Variants in DPYSL5 observed in about 807,000 individuals in gnomAD.
DPYSL5 encodes dihydropyrimidinase-related protein 5.
DPYSL5 carries 9 observed loss-of-function variants against 58.4 expected under a neutral mutation model. The observed-to-expected ratio is 0.15, with a 90% CI of 0.09 to 0.27. The LOEUF (loss-of-function observed/expected upper bound fraction) is 0.27, where lower values mean the gene tolerates loss of function less well. DPYSL5 is among the 10% of genes least tolerant of loss of function. The pLI, the probability that DPYSL5 is intolerant of heterozygous loss-of-function variation, is 1.00. For synonymous variants in DPYSL5, 293 were observed against 301.9 expected (o/e 0.97, Z 0.31); for missense variants, 499 against 770.6 (o/e 0.65, Z 4.17).
intron 12 of DPYSL5, 130 bp from the exon 13 acceptor site, chr2:26,946,780 A>G (rs1456318885): frequency 1.7e-5 from 11 of 645,296 alleles, no homozygotes; most frequent in East Asian, 8.5e-5. Flanking sequence ...CTCCTCATCT[A>G]TAAGATGGGA....
intron 2 of DPYSL5, among the ~76,000 whole-genome samples, chr2:26,908,436 A>T (rs1664353296): frequency 6.6e-6 from 1 of 152,220 alleles, no homozygotes. Flanking sequence ...CAAACCAGCT[A>T]CTTGCTTAAC....
In DPYSL5 at chr2:26,947,102, CG is replaced by C; in HGVS notation, c.*108del. Reference sequence around the variant, plus strand: ...AGGCTGGGCTGGGTGGCACACCACCCGAGGGGGGCCCCGGGACCCACGGAGC... The same window carrying C: ...AGGCTGGGCTGGGTGGCACACCACCCAGGGGGGCCCCGGGACCCACGGAGC... On this transcript the variant is annotated 3_prime_UTR_variant, in exon 13 of 13. Transcript: ENST00000288699. This position sits in a 1 kb window ranked among gnomAD's most constrained non-coding sequence, Gnocchi z 4.2. 2 of 999,414 alleles carry C rather than the reference CG, an allele frequency of 2.0e-6. No homozygotes were observed. The highest frequency in any genetic ancestry group is 3.0e-6 in the Non-Finnish European group (2 of 666,430). 61.9% of individuals were successfully genotyped at this position (999,414 alleles called of 1,614,324 possible). A position where few individuals can be genotyped will look rare whatever the true frequency, so the allele number is the denominator to read the frequency against.
chr2:26,887,847 G>A (rs550037563), intron 1 of DPYSL5, among the ~76,000 whole-genome samples: 7 of 152,152 alleles, frequency 4.6e-5, no homozygotes, highest in East Asian at 1.9e-4. Flanking sequence ...TCACCTTAAC[G>A]CGAACCCATG....
At position 26,898,961 on chromosome 2, in the gene DPYSL5, C is replaced by T. The variant is rs558677301; in HGVS notation, c.261+201C>T. ...ATTTCCATGATTATAGAAAAGGAGG[C>T]GTTTAGGCTGGTTTTGCTAATCAGA... is the stretch of plus-strand genomic sequence containing the variant. On this transcript the variant is annotated intron_variant, in intron 2 of 12. Transcript: ENST00000288699. This position sits in a 1 kb window ranked among gnomAD's most constrained non-coding sequence, Gnocchi z 6.1. 9.2e-5 allele frequency among the ~76,000 whole-genome samples: 14 copies of T among 152,232 alleles called. No homozygotes were observed. Among genetic ancestry groups the T allele is most frequent in the African/African-American group, 2.6e-4 (11 of 41,536 alleles).
intron 1 of DPYSL5, among the ~76,000 whole-genome samples, chr2:26,887,231 T>C (rs1300527223): frequency 6.6e-6 from 1 of 152,266 alleles, no homozygotes; most frequent in Non-Finnish European, 1.5e-5. Context: ...ACTAATGCTT[T>C]CTAAAAAGAG....
intron 6 of DPYSL5, among the ~76,000 whole-genome samples, chr2:26,932,189 A>AAGAAAGAAAGAAAG (rs1558351592): frequency 1.4e-5 from 1 of 72,064 alleles, no homozygotes; most frequent in African/African-American, 5.0e-5. Context: ...GAAAGAAAGA[A>AAGAAAGAAAGAAAG]AGAAAGAAAG....
intron 9 of DPYSL5, 24 bp from the exon 10 acceptor site, chr2:26,941,926 T>C (rs1185361075): frequency 4.3e-6 from 7 of 1,613,752 alleles, no homozygotes; most frequent in Admixed American, 3.3e-5. Flanking sequence ...CCTGGTTGAC[T>C]TGACACTTTC....
At chr2:26,929,562 TC>T (rs1408151307) in intron 5 of DPYSL5, among the ~76,000 whole-genome samples, 3 of 152,186 alleles carry the variant, frequency 2.0e-5, no homozygotes, top group Non-Finnish European at 4.4e-5. Flanking sequence ...CCTGAAACCA[TC>T]CCTCCCCATT....
intron 1 of DPYSL5, among the ~76,000 whole-genome samples, chr2:26,889,338 C>G (rs1048360174): frequency 1.3e-5 from 2 of 151,780 alleles, no homozygotes; most frequent in African/African-American, 4.8e-5. Context: ...GGTGCGATCT[C>G]AGCTCACTGC....
chr2:26,888,778 C>CTT (rs1353668370), intron 1 of DPYSL5, among the ~76,000 whole-genome samples: 4 of 152,096 alleles, frequency 2.6e-5, no homozygotes, highest in African/African-American at 9.7e-5. Flanking sequence ...CCAGTTGTTA[C>CTT]TTACATTGCT....
In DPYSL5 at chr2:26,944,451, C is replaced by T. The variant is rs528952633; in HGVS notation, c.1441-205C>T. ...ACATGCACGCATGCACACATGTACA[C>T]ATATGCACATGCTCTTTAGGAGGTA... On this transcript the variant is annotated intron_variant, in intron 11 of 12. Transcript: ENST00000288699. This position sits in a 1 kb window ranked among gnomAD's most constrained non-coding sequence, Gnocchi z 4.4. 2.6e-5 allele frequency among the ~76,000 whole-genome samples: 4 copies of T among 152,164 alleles called. No individual in the cohort carries two copies. The highest frequency in any genetic ancestry group is 2.1e-4 in the South Asian group (1 of 4,820).
At position 26,898,444 on chromosome 2, in the gene DPYSL5, C is replaced by T; in HGVS notation, c.-4-52C>T. Reference sequence around the variant, plus strand: ...GGGCTTTGATAGGAGGGATGGGAAACTGGAAACAGTGAGAAGGGACTTTGA... The same window carrying T: ...GGGCTTTGATAGGAGGGATGGGAAATTGGAAACAGTGAGAAGGGACTTTGA... On this transcript the variant is annotated intron_variant, in intron 1 of 12. Transcript: ENST00000288699. The surrounding 1 kb of genome is among the most constrained non-coding windows in gnomAD (Gnocchi z 6.1). 2 of 1,585,600 alleles carry T rather than the reference C, an allele frequency of 1.3e-6. No individual in the cohort carries two copies. Among genetic ancestry groups the T allele is most frequent in the Non-Finnish European group, 1.7e-6 (2 of 1,162,590 alleles).
chr2:26,862,626 C>G (rs888316603), intron 1 of DPYSL5, among the ~76,000 whole-genome samples: 8 of 152,270 alleles, frequency 5.3e-5, no homozygotes, highest in Middle Eastern at 3.4e-3. Context: ...CTTCCTTCCC[C>G]CTCCCCATCC....
chr2:26,932,201 A>C (rs866499144), intron 6 of DPYSL5, among the ~76,000 whole-genome samples: 757 of 58,838 alleles, frequency 0.013, 15 homozygotes, highest in Non-Finnish European at 0.022. Context: ...GAAAGAAAGA[A>C]AGAAAGAAAA....
At chr2:26,913,411 A>G (rs558771657) in intron 2 of DPYSL5, among the ~76,000 whole-genome samples, 10 of 152,336 alleles carry the variant, frequency 6.6e-5, no homozygotes, top group African/African-American at 2.2e-4. Flanking sequence ...GGTCCTCAAG[A>G]TTCATTCATG....
In DPYSL5 at chr2:26,932,751, G is replaced by A. The variant is rs116650894; in HGVS notation, c.715-507G>A. ...TACAGTCCAGGTGTCCGTTCGCAAG[G>A]TCAGCCTTCTCTTGCCTAGACTCTG... On this transcript the variant is annotated intron_variant, in intron 6 of 12. Transcript: ENST00000288699. Among the ~76,000 whole-genome samples, 240 of 152,212 alleles carry A rather than the reference G, an allele frequency of 1.6e-3. 2 individuals are homozygous for A. The highest frequency in any genetic ancestry group is 5.7e-3 in the African/African-American group (236 of 41,532).
chr2:26,942,475 C>T lies in DPYSL5; in HGVS notation c.1233-68C>T. On this transcript the variant is annotated intron_variant, in intron 10 of 12. Transcript: ENST00000288699. This position sits in a 1 kb window ranked among gnomAD's most constrained non-coding sequence, Gnocchi z 5.9. The stretch of plus-strand genomic sequence containing the variant: ...AACAACCAGCCTTTGGGGCTCACCC[C>T]TCCCATGGAGCTGTGACATTTTGAC... 2 of 1,527,470 alleles carry T rather than the reference C, an allele frequency of 1.3e-6. No individual in the cohort carries two copies. The highest frequency in any genetic ancestry group is 2.4e-5 in the South Asian group (2 of 83,920). The allele number at this position is 1,527,470 out of a possible 1,614,324, so 94.6% of individuals were successfully genotyped here.
Position 26,877,616 on chromosome 2 carries a change from C to T in DPYSL5, c.-4-20880C>T, listed in dbSNP as rs1663446542. On this transcript the variant is annotated intron_variant, in intron 1 of 12. Coordinates refer to ENST00000288699, the MANE Select transcript of DPYSL5 (RefSeq NM_020134.4). This position sits in a 1 kb window ranked among gnomAD's most constrained non-coding sequence, Gnocchi z 4.1. Reference sequence around the variant, plus strand: ...CTCCCCTTTCCCCCTAAATAAGACACTGTCACACAATATCTTTTAACTCAT... The same window carrying T: ...CTCCCCTTTCCCCCTAAATAAGACATTGTCACACAATATCTTTTAACTCAT... Among the ~76,000 whole-genome samples the T allele has an allele frequency of 6.6e-6, 1 of 152,194 alleles. No homozygotes were observed. The highest frequency in any genetic ancestry group is 2.1e-4 in the South Asian group (1 of 4,832).
chr2:26,916,149 C>T (rs924313819), intron 2 of DPYSL5, among the ~76,000 whole-genome samples: 1 of 152,142 alleles, frequency 6.6e-6, no homozygotes, highest in Non-Finnish European at 1.5e-5. Flanking sequence ...TTTATTTTCA[C>T]CTCCTCGTCT....
Sources: gnomAD v4.1 joint callset for allele counts (sites outside exome capture counted in the v4.1 genomes callset) on GRCh38, gnomAD v4.1.1 for gene constraint, Gnocchi (gnomAD v3.1) non-coding constraint, MANE v1.5 for transcripts, NCBI Gene and HGNC (gene_info 2026-07-23, HGNC 2026-07-21) for gene names.